Variants in MYT1L observed in about 807,000 individuals in gnomAD.
MYT1L encodes myelin transcription factor 1 like.
In MYT1L, 12 loss-of-function variants were observed where a neutral mutation model predicts 126.7. The observed-to-expected ratio is 0.09, with a 90% CI of 0.06 to 0.15. MYT1L has a LOEUF of 0.15. Among genes scored for constraint, MYT1L ranks in the 10% least tolerant of loss-of-function variants. The pLI is 1.00. For synonymous variants in MYT1L, 541 were observed against 604.2 expected (o/e 0.90, Z 1.53); for missense variants, 979 against 1,585.2 (o/e 0.62, Z 6.49).
chr2:1,819,682 G>C (rs1040381366), intron 21 of MYT1L, among the ~76,000 whole-genome samples: 1 of 152,226 alleles, frequency 6.6e-6, no homozygotes, highest in African/African-American at 2.4e-5. Context: ...ATGATGTGAT[G>C]CTCTGCAGCA....
At chr2:2,097,494 T>C (rs2077566992) in intron 3 of MYT1L, among the ~76,000 whole-genome samples, 1 of 152,148 alleles carries the variant, frequency 6.6e-6, no homozygotes, top group African/African-American at 2.4e-5. Context: ...TCTCATCTCA[T>C]TAGGCCACAC....
chr2:1,850,975 A>G (rs796881167), intron 19 of MYT1L, among the ~76,000 whole-genome samples: 7 of 152,254 alleles, frequency 4.6e-5, no homozygotes, highest in African/African-American at 1.4e-4. Flanking sequence ...AGTCTGGTGT[A>G]CCATCTTTAA....
At chr2:2,145,082 T>G (rs769796160) in intron 3 of MYT1L, among the ~76,000 whole-genome samples, 1 of 152,202 alleles carries the variant, frequency 6.6e-6, no homozygotes, top group African/African-American at 2.4e-5. Context: ...TACACACATC[T>G]CTTACAAGGG....
intron 1 of MYT1L, among the ~76,000 whole-genome samples, chr2:2,316,735 A>G (rs1346903642): frequency 1.3e-5 from 2 of 152,210 alleles, no homozygotes; most frequent in African/African-American, 4.8e-5. Context: ...AGAGAAAATA[A>G]CTTAAGGGAA....
At chr2:2,192,754 CA>C (rs2092651140) in intron 2 of MYT1L, among the ~76,000 whole-genome samples, 1 of 152,174 alleles carries the variant, frequency 6.6e-6, no homozygotes. Context: ...GGGAGGACTG[CA>C]ATTGGGGGAC....
At chr2:2,128,571 A>T (rs2081995275) in intron 3 of MYT1L, among the ~76,000 whole-genome samples, 1 of 152,240 alleles carries the variant, frequency 6.6e-6, no homozygotes, top group African/African-American at 2.4e-5. Context: ...GTTGGTGGCA[A>T]TGGGGATTAT....
At chr2:2,184,685 A>T (rs2091928686) in intron 2 of MYT1L, among the ~76,000 whole-genome samples, 1 of 152,068 alleles carries the variant, frequency 6.6e-6, no homozygotes, top group South Asian at 2.1e-4. Flanking sequence ...CACGCCCACC[A>T]ATGGGCTGGC....
intron 21 of MYT1L, among the ~76,000 whole-genome samples, chr2:1,817,288 G>A (rs926014342): frequency 3.9e-5 from 6 of 152,128 alleles, no homozygotes; most frequent in African/African-American, 9.7e-5. Flanking sequence ...AGAGGCCACC[G>A]GTGCAGGGAG....
chr2:1,865,710 T>G (rs2045373700), intron 18 of MYT1L, among the ~76,000 whole-genome samples: 1 of 152,008 alleles, frequency 6.6e-6, no homozygotes, highest in Admixed American at 6.6e-5. Context: ...CTTTCACAGG[T>G]TAGCAAGAAG....
At chr2:1,992,552 C>T (rs530302323) in intron 5 of MYT1L, among the ~76,000 whole-genome samples, 80 of 152,322 alleles carry the variant, frequency 5.3e-4, no homozygotes, top group Non-Finnish European at 1.1e-3. Flanking sequence ...TACCCCAAGT[C>T]TAGCAATAAT....
intron 21 of MYT1L, among the ~76,000 whole-genome samples, chr2:1,820,658 C>T (rs2038390939): frequency 6.6e-6 from 1 of 151,990 alleles, no homozygotes; most frequent in Non-Finnish European, 1.5e-5. Context: ...GCAATTCTCA[C>T]TCCTCAGCCT....
intron 2 of MYT1L, among the ~76,000 whole-genome samples, chr2:2,246,859 C>T (rs572732915): frequency 3.0e-4 from 45 of 152,146 alleles, no homozygotes; most frequent in Non-Finnish European, 5.3e-4. Context: ...ATGTTCAATG[C>T]TTTTTAAGAA....
At chr2:1,955,070 T>G (rs2058222242) in intron 8 of MYT1L, among the ~76,000 whole-genome samples, 1 of 151,024 alleles carries the variant, frequency 6.6e-6, no homozygotes, top group Non-Finnish European at 1.5e-5. Flanking sequence ...GAGAATCTCT[T>G]GAACCCAGGA....
intron 8 of MYT1L, among the ~76,000 whole-genome samples, chr2:1,961,344 A>C (rs2058943376): frequency 6.6e-6 from 1 of 152,178 alleles, no homozygotes; most frequent in Non-Finnish European, 1.5e-5. Context: ...AAAGGTATTG[A>C]CTTGGAAGTC....
intron 23 of MYT1L, among the ~76,000 whole-genome samples, chr2:1,796,910 C>T (rs1300136567): frequency 2.0e-5 from 3 of 152,220 alleles, no homozygotes; most frequent in Non-Finnish European, 4.4e-5. Flanking sequence ...GAGTCCCCTG[C>T]TCTCTCCTCC....
At chr2:2,013,624 AG>A (rs1246661365) in intron 4 of MYT1L, among the ~76,000 whole-genome samples, 1 of 152,258 alleles carries the variant, frequency 6.6e-6, no homozygotes. Flanking sequence ...CTGCAGAGCC[AG>A]GCTTCAGATC....
chr2:2,157,823 T>A (rs2086976186), intron 3 of MYT1L, among the ~76,000 whole-genome samples: 1 of 152,082 alleles, frequency 6.6e-6, no homozygotes, highest in Admixed American at 6.5e-5. Flanking sequence ...CACCAGCAGG[T>A]CTTTGGGCTT....
At chr2:1,923,330 G>T (rs1258135176) in intron 9 of MYT1L, 67 bp from the exon 10 acceptor site, 9 of 1,342,036 alleles carry the variant, frequency 6.7e-6, no homozygotes, top group Non-Finnish European at 9.1e-6. Context: ...TGGAAGCTTA[G>T]TTGCAACAGC....
rs2054704885 is a variant in MYT1L, at chr2:1,929,748, G to A, written c.506-6485C>T. Among the ~76,000 whole-genome samples, 1 of 152,194 alleles carries A rather than the reference G, an allele frequency of 6.6e-6. No homozygotes were observed. The highest frequency in any genetic ancestry group is 6.5e-5 in the Admixed American group (1 of 15,288). On this transcript the variant is annotated intron_variant, in intron 9 of 24. Coordinates refer to ENST00000647738, the MANE Select transcript of MYT1L (RefSeq NM_001303052.2). The surrounding 1 kb of genome is among the most constrained non-coding windows in gnomAD (Gnocchi z 4.7). The stretch of plus-strand genomic sequence containing the variant: ...CCATTTTCTTTGAATTTTAGTGCTA[G>A]ATAGAATTATTGAGATCATGCCTTC...
Sources: allele counts gnomAD v4.1 joint callset (sites outside exome capture counted in the v4.1 genomes callset), GRCh38; gene constraint gnomAD v4.1.1; non-coding constraint Gnocchi (gnomAD v3.1); transcripts MANE v1.5; gene names NCBI Gene and HGNC (gene_info 2026-07-23, HGNC 2026-07-21).